Variants in PABPC5 observed in about 807,000 individuals in gnomAD.
The protein encoded by PABPC5 is polyadenylate-binding protein 5.
PABPC5 carries 6 observed loss-of-function variants against 12.6 expected under a neutral mutation model. The observed-to-expected ratio is 0.48, with a 90% CI of 0.26 to 0.94. The LOEUF (loss-of-function observed/expected upper bound fraction) is 0.94. Ranked by LOEUF, PABPC5 falls within the 40% of genes least tolerant of loss-of-function variation. The probability of loss-of-function intolerance (pLI) is 0.14; values close to 1 mark genes in which losing one functional copy is unlikely to be tolerated. For missense variants in PABPC5, 244 were observed against 302.8 expected (o/e 0.81, Z 1.44); for synonymous variants, 124 against 118.4 (o/e 1.05, Z -0.31).
At position 91,435,475 on chromosome X, in the gene PABPC5, C is replaced by A; in HGVS notation, c.-103C>A. ...TGAGTCTGCTTTTAGCTTCCTTTTG[C>A]CTGCCTTGGCTTTTTCTGTTCGTGA... On this transcript the variant is annotated 5_prime_UTR_variant, in exon 2 of 2. Coordinates refer to ENST00000312600, the MANE Select transcript of PABPC5 (RefSeq NM_080832.3). 2 of 807,816 alleles carry A rather than the reference C, an allele frequency of 2.5e-6. No homozygotes were observed. The highest frequency in any genetic ancestry group is 3.5e-6 in the Non-Finnish European group (2 of 578,663). The allele number at this position is 807,816 out of a possible 1,213,427, so 66.6% of individuals were successfully genotyped here. A position where few individuals can be genotyped will look rare whatever the true frequency, so the allele number is the denominator to read the frequency against.
At position 91,436,060 on chromosome X, in the gene PABPC5, C is replaced by T. The variant is rs370948281; in HGVS notation, c.483C>T (p.Ala161=). ...ACAGCCTGGCCGCTGCCAATAGAGC[C>T]ATCTGGCACATGAATGGAGTGCGGC... The part of the protein sequence containing the change: ...HFDSLAAANR[A]IWHMNGVRLN... Residue 161 remains alanine (A), a synonymous_variant, in exon 2 of 2, where the codon GCC becomes GCT. Transcript: ENST00000312600. The T allele has an allele frequency of 8.3e-7, 1 of 1,211,911 alleles. No individual in the cohort carries two copies. Among genetic ancestry groups the T allele is most frequent in the Non-Finnish European group, 1.1e-6 (1 of 895,625 alleles).
intron 1 of PABPC5, 120 bp from the exon 2 acceptor site, chrX:91,435,315 T>G (rs1931578606): frequency 6.8e-6 from 2 of 292,824 alleles, no homozygotes; most frequent in East Asian, 5.1e-5. Context: ...ATTTTAAATC[T>G]GAACGGGTGA....
Position 91,437,923 on chromosome X carries a change from T to C in PABPC5, c.*1197T>C, listed in dbSNP as rs1297591383. 2 of 122,681 alleles carry C rather than the reference T, an allele frequency of 1.6e-5. No individual in the cohort carries two copies. The highest frequency in any genetic ancestry group is 3.8e-5 in the Non-Finnish European group (2 of 52,966). 10.1% of individuals were successfully genotyped at this position (122,681 alleles called of 1,213,427 possible). On this transcript the variant is annotated 3_prime_UTR_variant, in exon 2 of 2. Transcript: ENST00000312600. ...TGTAATTTCTAAATTGGAGATTCTC[T>C]ACATTTCACTTGCAGTTTCCTGTTC...
rs1184830988 is a variant in PABPC5, at chrX:91,437,988, T to C, written c.*1262T>C. 1 of 123,264 alleles carries C rather than the reference T, an allele frequency of 8.1e-6. No homozygotes were observed. The highest frequency in any genetic ancestry group is 9.5e-5 in the Admixed American group (1 of 10,511). The allele number at this position is 123,264 out of a possible 1,213,427, so 10.2% of individuals were successfully genotyped here. On this transcript the variant is annotated 3_prime_UTR_variant, in exon 2 of 2. Coordinates refer to ENST00000312600, the MANE Select transcript of PABPC5 (RefSeq NM_080832.3). The stretch of plus-strand genomic sequence containing the variant: ...CTTCCATTCATATTACACTTATTTT[T>C]CTATTTTTTGTATTACCTTTTTAAA...
In PABPC5 at chrX:91,438,500, C is replaced by T. The variant is rs1244083393; in HGVS notation, c.*1774C>T. On this transcript the variant is annotated 3_prime_UTR_variant, in exon 2 of 2. Coordinates refer to ENST00000312600, the MANE Select transcript of PABPC5 (RefSeq NM_080832.3). ...CACAAACATTTTGACCAAAAATCCA[C>T]ACTATATGTACTGTTCTGTATTTTT... 8.1e-6 allele frequency: 1 copy of T among 122,749 alleles called. No individual in the cohort carries two copies. Among genetic ancestry groups the T allele is most frequent in the African/African-American group, 3.2e-5 (1 of 30,818 alleles). The allele number at this position is 122,749 out of a possible 1,213,427, so 10.1% of individuals were successfully genotyped here.
At chrX:91,435,410 C>G (rs1931580789) in intron 1 of PABPC5, 25 bp from the exon 2 acceptor site, 2 of 453,720 alleles carry the variant, frequency 4.4e-6, no homozygotes, top group African/African-American at 4.8e-5. Flanking sequence ...TGCTGACCAG[C>G]TGTTTCTGAA....
At position 91,436,985 on chromosome X, in the gene PABPC5, T is replaced by TC; in HGVS notation, c.*261dup. The TC allele has an allele frequency of 3.1e-6, 1 of 324,795 alleles. No homozygotes were observed. The highest frequency in any genetic ancestry group is 5.5e-6 in the Non-Finnish European group (1 of 182,130). 26.8% of individuals were successfully genotyped at this position (324,795 alleles called of 1,213,427 possible). The stretch of plus-strand genomic sequence containing the variant: ...TAAAGTGTATTCCTCCACTTTTTTT[T>TC]CCTGAACAGTCAAGGTGAGGCAATT... On this transcript the variant is annotated 3_prime_UTR_variant, in exon 2 of 2. Coordinates refer to ENST00000312600, the MANE Select transcript of PABPC5 (RefSeq NM_080832.3).
At position 91,437,019 on chromosome X, in the gene PABPC5, A is replaced by G. The variant is rs1463115269; in HGVS notation, c.*293A>G. 1 of 268,255 alleles carries G rather than the reference A, an allele frequency of 3.7e-6. No individual in the cohort carries two copies. The highest frequency in any genetic ancestry group is 2.9e-5 in the African/African-American group (1 of 34,476). 22.1% of individuals were successfully genotyped at this position (268,255 alleles called of 1,213,427 possible). The stretch of plus-strand genomic sequence containing the variant: ...GTCAAGGTGAGGCAATTGATTGAGT[A>G]TATTTCCCTTCTTATTTCAGTAATA... On this transcript the variant is annotated 3_prime_UTR_variant, in exon 2 of 2. Transcript: ENST00000312600.
Position 91,437,989 on chromosome X carries a change from C to G in PABPC5, c.*1263C>G, listed in dbSNP as rs1931629905. On this transcript the variant is annotated 3_prime_UTR_variant, in exon 2 of 2. Coordinates refer to ENST00000312600, the MANE Select transcript of PABPC5 (RefSeq NM_080832.3). ...TTCCATTCATATTACACTTATTTTT[C>G]TATTTTTTGTATTACCTTTTTAAAA... The G allele has an allele frequency of 8.2e-6, 1 of 122,375 alleles. No individual in the cohort carries two copies. The highest frequency in any genetic ancestry group is 1.9e-5 in the Non-Finnish European group (1 of 52,865). 10.1% of individuals were successfully genotyped at this position (122,375 alleles called of 1,213,427 possible).
chrX:91,436,372 T>C lies in PABPC5; in HGVS notation c.795T>C (p.Asp265=). The change falls in exon 2 of 2, where the codon GAT becomes GAC. Residue 265 remains aspartate, a synonymous_variant. Coordinates refer to ENST00000312600, the MANE Select transcript of PABPC5 (RefSeq NM_080832.3). The part of the protein sequence containing the change: ...AVLDLHGKSI[D]GKVLYVGRAQ... ...TAGACTTGCATGGAAAGTCCATCGATGGAAAAGTCCTCTATGTAGGGCGAG... is the reference window on the plus strand; with the variant it reads ...TAGACTTGCATGGAAAGTCCATCGACGGAAAAGTCCTCTATGTAGGGCGAG... 5 of 1,211,658 alleles carry C rather than the reference T, an allele frequency of 4.1e-6. No homozygotes were observed. Among genetic ancestry groups the C allele is most frequent in the Non-Finnish European group, 5.6e-6 (5 of 895,537 alleles).
Position 91,437,155 on chromosome X carries a change from C to T in PABPC5, c.*429C>T, listed in dbSNP as rs998359564. The T allele has an allele frequency of 7.7e-6, 1 of 130,637 alleles. No homozygotes were observed. Among genetic ancestry groups the T allele is most frequent in the South Asian group, 3.6e-4 (1 of 2,794 alleles). 10.8% of individuals were successfully genotyped at this position (130,637 alleles called of 1,213,427 possible). A position where few individuals can be genotyped will look rare whatever the true frequency, so the allele number is the denominator to read the frequency against. ...ACAGCAGGGGAAAACATATGTGATG[C>T]AATTAACATCTGCATAATTTCACTT... On this transcript the variant is annotated 3_prime_UTR_variant, in exon 2 of 2. Coordinates refer to ENST00000312600, the MANE Select transcript of PABPC5 (RefSeq NM_080832.3).
In PABPC5 at chrX:91,435,945, T is replaced by G. The variant is rs1223335292; in HGVS notation, c.368T>G (p.Phe123Cys). The change falls in exon 2 of 2, where the codon TTT becomes TGT. Residue 123 changes from phenylalanine (F) to cysteine (C), a missense_variant. Phe to Cys is a radical substitution (Grantham distance 205). Coordinates refer to ENST00000312600, the MANE Select transcript of PABPC5 (RefSeq NM_080832.3). ...AAATCCATAGACAATAGGGCCCTGTTTTACTTATTTTCTGCTTTTGGGAAC... is the reference window on the plus strand; with the variant it reads ...AAATCCATAGACAATAGGGCCCTGTGTTACTTATTTTCTGCTTTTGGGAAC... ...LDKSIDNRAL[F>C]YLFSAFGNIL... is the part of the protein sequence containing the mutation. 1.7e-6 allele frequency: 2 copies of G among 1,211,498 alleles called. No homozygotes were observed. Among genetic ancestry groups the G allele is most frequent in the Admixed American group, 4.3e-5 (2 of 46,036 alleles).
In PABPC5 at chrX:91,436,481, G is replaced by A. The variant is rs1931604881; in HGVS notation, c.904G>A (p.Val302Met). ...AAAAGAAAAAAGTCGGCCCCCAGGGGTGCCTATCTATATTAAGAACTTGGA... is the reference window on the plus strand; with the variant it reads ...AAAAGAAAAAAGTCGGCCCCCAGGGATGCCTATCTATATTAAGAACTTGGA... Reference protein sequence around the residue: ...RLKEKSRPPGVPIYIKNLDET... With the variant: ...RLKEKSRPPGMPIYIKNLDET... Residue 302 changes from valine to methionine, a missense_variant, in exon 2 of 2, where the codon GTG becomes ATG. Val to Met is a conservative substitution (Grantham distance 21). Transcript: ENST00000312600. 1 of 1,211,888 alleles carries A rather than the reference G, an allele frequency of 8.3e-7. No individual in the cohort carries two copies. Among genetic ancestry groups the A allele is most frequent in the Non-Finnish European group, 1.1e-6 (1 of 895,542 alleles).
rs1931590549 is a variant in PABPC5, at chrX:91,435,767, G to A, written c.190G>A (p.Val64Ile). The change falls in exon 2 of 2, where the codon GTT (valine) becomes ATT (isoleucine). Residue 64 changes from valine to isoleucine, a missense_variant. Physicochemically the swap from Val to Ile is conservative, Grantham distance 29. Coordinates refer to ENST00000312600, the MANE Select transcript of PABPC5 (RefSeq NM_080832.3). ...VTRSPLGYGY[V>I]NFRFPADAEW... ...CCGCAGCCCCCTGGGCTATGGGTAT[G>A]TTAACTTCCGCTTTCCCGCGGATGC... is the stretch of plus-strand genomic sequence containing the variant. 8.3e-7 allele frequency: 1 copy of A among 1,209,533 alleles called. No homozygotes were observed. Among genetic ancestry groups the A allele is most frequent in the African/African-American group, 1.8e-5 (1 of 57,129 alleles).
At chrX:91,435,192 G>C (rs1426689907) in intron 1 of PABPC5, among the ~76,000 whole-genome samples, 1 of 111,851 alleles carries the variant, frequency 8.9e-6, no homozygotes, top group East Asian at 2.8e-4. Flanking sequence ...AAAGCGGGTC[G>C]GGAGGCCTCT....
rs1931627707 is a variant in PABPC5 at position 91,437,824 on chromosome X, T to C, written c.*1098T>C. 1 of 121,691 alleles carries C rather than the reference T, an allele frequency of 8.2e-6. No homozygotes were observed. The highest frequency in any genetic ancestry group is 1.9e-5 in the Non-Finnish European group (1 of 52,790). The allele number at this position is 121,691 out of a possible 1,213,427, so 10.0% of individuals were successfully genotyped here. ...TGAGAACTGTGAAACCAATATGGTT[T>C]TCTTTATGTCTTGGCTGCTTGAAAA... On this transcript the variant is annotated 3_prime_UTR_variant, in exon 2 of 2. Transcript: ENST00000312600.
In PABPC5 at chrX:91,436,791, T is replaced by A; in HGVS notation, c.*65T>A. ...CTCCTTAGTTTGGGCTCCTTTGTGA[T>A]AAGGGGTTATTTTATGCTAATTCAC... On this transcript the variant is annotated 3_prime_UTR_variant, in exon 2 of 2. Coordinates refer to ENST00000312600, the MANE Select transcript of PABPC5 (RefSeq NM_080832.3). The A allele has an allele frequency of 1.0e-6, 1 of 995,845 alleles. No homozygotes were observed. 82.1% of individuals were successfully genotyped at this position (995,845 alleles called of 1,213,427 possible).
At position 91,437,000 on chromosome X, in the gene PABPC5, G is replaced by A. The variant is rs181722126; in HGVS notation, c.*274G>A. ...CACTTTTTTTTCCTGAACAGTCAAGGTGAGGCAATTGATTGAGTATATTTC... is the reference window on the plus strand; with the variant it reads ...CACTTTTTTTTCCTGAACAGTCAAGATGAGGCAATTGATTGAGTATATTTC... On this transcript the variant is annotated 3_prime_UTR_variant, in exon 2 of 2. Coordinates refer to ENST00000312600, the MANE Select transcript of PABPC5 (RefSeq NM_080832.3). 150 of 302,176 alleles carry A rather than the reference G, an allele frequency of 5.0e-4. No homozygotes were observed. Among genetic ancestry groups the A allele is most frequent in the African/African-American group, 3.9e-3 (139 of 35,873 alleles). The allele number at this position is 302,176 out of a possible 1,213,427, so 24.9% of individuals were successfully genotyped here. A position where few individuals can be genotyped will look rare whatever the true frequency, so the allele number is the denominator to read the frequency against.
chrX:91,435,679 C>G lies in PABPC5; in HGVS notation c.102C>G (p.Leu34=), dbSNP rs1477570971. 1 of 1,209,451 alleles carries G rather than the reference C, an allele frequency of 8.3e-7. No individual in the cohort carries two copies. The highest frequency in any genetic ancestry group is 1.1e-6 in the Non-Finnish European group (1 of 894,986). ...ACCCAGATGTCACCGAGGACATGCTCTATAAGAAGTTCAGGCCTGCTGGCC... is the reference window on the plus strand; with the variant it reads ...ACCCAGATGTCACCGAGGACATGCTGTATAAGAAGTTCAGGCCTGCTGGCC... ...DLDPDVTEDM[L]YKKFRPAGPL... Residue 34 remains leucine, a synonymous_variant, in exon 2 of 2, where the codon CTC becomes CTG. Transcript: ENST00000312600.
Sources: gnomAD v4.1 joint callset for allele counts (sites outside exome capture counted in the v4.1 genomes callset) on GRCh38, gnomAD v4.1.1 for gene constraint, MANE v1.5 for transcripts, NCBI Gene and HGNC (gene_info 2026-07-23, HGNC 2026-07-21) for gene names.